MEGF10: variants seen among roughly 807,000 people sequenced by gnomAD.
The protein encoded by MEGF10 is multiple EGF like domains 10.
Under a neutral mutation model 147.5 loss-of-function variants are expected in MEGF10, and 86 were observed. The observed-to-expected ratio is 0.58, with a 90% CI of 0.49 to 0.70. The LOEUF (loss-of-function observed/expected upper bound fraction) is 0.70. Among genes scored for constraint, MEGF10 ranks in the 30% least tolerant of loss-of-function variants. The pLI, the probability that MEGF10 is intolerant of heterozygous loss-of-function variation, is 0.00. For synonymous variants in MEGF10, 478 were observed against 525.5 expected (o/e 0.91, Z 1.24); for missense variants, 1,329 against 1,487.3 (o/e 0.89, Z 1.75).
At chr5:127,366,906 A>T (rs1004641588) in intron 4 of MEGF10, among the ~76,000 whole-genome samples, 1 of 152,202 alleles carries the variant, frequency 6.6e-6, no homozygotes, top group Middle Eastern at 3.2e-3. Context: ...AGCAACAAAA[A>T]ACCAATGGAT....
At chr5:127,453,273 T>C (rs188325119) in intron 22 of MEGF10, among the ~76,000 whole-genome samples, 1 of 152,334 alleles carries the variant, frequency 6.6e-6, no homozygotes, top group Admixed American at 6.5e-5. Context: ...CCCAGGCTGG[T>C]CTTGAACTCC....
chr5:127,437,552 T>C (rs1429413960), intron 16 of MEGF10, among the ~76,000 whole-genome samples: 2 of 152,252 alleles, frequency 1.3e-5, no homozygotes, highest in African/African-American at 2.4e-5. Context: ...TATGCAATTA[T>C]GTTCCTAAAG....
intron 22 of MEGF10, 69 bp downstream of exon 22, chr5:127,449,291 C>T: frequency 1.3e-6 from 2 of 1,586,708 alleles, no homozygotes; most frequent in South Asian, 1.1e-5. Context: ...TCACGGATCT[C>T]TGTTTGTGCC....
intron 1 of MEGF10, among the ~76,000 whole-genome samples, chr5:127,303,064 C>A (rs1022292908): frequency 2.0e-5 from 3 of 152,042 alleles, no homozygotes; most frequent in African/African-American, 7.2e-5. Flanking sequence ...GGGGTCAGTG[C>A]AGTGGCTCAT....
At chr5:127,342,017 C>G (rs1461816397) in intron 4 of MEGF10, among the ~76,000 whole-genome samples, 1 of 152,162 alleles carries the variant, frequency 6.6e-6, no homozygotes, top group Non-Finnish European at 1.5e-5. Context: ...AAATACCCAC[C>G]AGCAGTAAAT....
chr5:127,286,711 AG>A (rs1759040512), upstream of MEGF10, among the ~76,000 whole-genome samples: 1 of 151,918 alleles, frequency 6.6e-6, no homozygotes, highest in Admixed American at 6.5e-5. Flanking sequence ...TATAGAAGGA[AG>A]GAAATAGTAA....
chr5:127,439,626 T>C (rs1765684578), intron 17 of MEGF10, among the ~76,000 whole-genome samples: 1 of 152,238 alleles, frequency 6.6e-6, no homozygotes, highest in African/African-American at 2.4e-5. Context: ...TTATTTATAA[T>C]TCTAAAATTA....
At chr5:127,229,978 T>A in the MEGF10 span, among the ~76,000 whole-genome samples, 2 of 152,092 alleles carry the variant, frequency 1.3e-5, no homozygotes, top group Non-Finnish European at 2.9e-5. Flanking sequence ...TTGAGATAAA[T>A]GAAAAAGAGA....
At chr5:127,256,125 T>C in the MEGF10 span, among the ~76,000 whole-genome samples, 1 of 152,326 alleles carries the variant, frequency 6.6e-6, no homozygotes, top group African/African-American at 2.4e-5. Flanking sequence ...TGCCTGTAAG[T>C]TAAAACTGTA....
At chr5:127,318,303 G>A (rs1480972146) in intron 1 of MEGF10, among the ~76,000 whole-genome samples, 1 of 152,148 alleles carries the variant, frequency 6.6e-6, no homozygotes, top group Non-Finnish European at 1.5e-5. Context: ...CTAGGTTGTA[G>A]CAGCCTGACC....
At chr5:127,355,241 A>G (rs1274608115) in intron 4 of MEGF10, among the ~76,000 whole-genome samples, 2 of 152,156 alleles carry the variant, frequency 1.3e-5, no homozygotes, top group African/African-American at 4.8e-5. Context: ...TGAGGCAGAC[A>G]GAGCCTTCTG....
the MEGF10 span, among the ~76,000 whole-genome samples, chr5:127,283,391 T>C: frequency 1.3e-5 from 2 of 152,210 alleles, no homozygotes; most frequent in African/African-American, 4.8e-5. Flanking sequence ...ACTTCTGTGA[T>C]TCTCTGGTCT....
intron 5 of MEGF10, among the ~76,000 whole-genome samples, chr5:127,382,412 G>T (rs1580791988): frequency 6.6e-6 from 1 of 152,186 alleles, no homozygotes; most frequent in East Asian, 1.9e-4. Flanking sequence ...ACTAGTGGAG[G>T]TAGGTAGCTT....
chr5:127,453,882 G>T (rs565994261), intron 22 of MEGF10, among the ~76,000 whole-genome samples: 10 of 152,164 alleles, frequency 6.6e-5, no homozygotes, highest in African/African-American at 1.9e-4. Flanking sequence ...GTGGTTGCAC[G>T]TTCTCTTGCC....
chr5:127,342,366 C>G (rs1359158559), intron 4 of MEGF10, among the ~76,000 whole-genome samples: 1 of 152,164 alleles, frequency 6.6e-6, no homozygotes, highest in African/African-American at 2.4e-5. Context: ...ACTTCTGTCT[C>G]CCAGCACACA....
intron 13 of MEGF10, among the ~76,000 whole-genome samples, chr5:127,425,100 A>G (rs1234619652): frequency 6.6e-6 from 1 of 152,236 alleles, no homozygotes; most frequent in East Asian, 1.9e-4. Context: ...TTGATGATTT[A>G]GAACTATCCT....
intron 4 of MEGF10, among the ~76,000 whole-genome samples, chr5:127,369,101 A>C (rs2126859047): frequency 6.6e-6 from 1 of 152,328 alleles, no homozygotes; most frequent in African/African-American, 2.4e-5. Flanking sequence ...ATTTTAGAAT[A>C]TCCGAACCCC....
the MEGF10 span, among the ~76,000 whole-genome samples, chr5:127,276,484 T>C: frequency 6.6e-6 from 1 of 152,334 alleles, no homozygotes; most frequent in East Asian, 1.9e-4. Flanking sequence ...CTGCTTCAAC[T>C]GAGAGCTGTG....
At chr5:127,292,155 A>G (rs1759286444) in intron 1 of MEGF10, among the ~76,000 whole-genome samples, 3 of 152,194 alleles carry the variant, frequency 2.0e-5, no homozygotes, top group African/African-American at 7.2e-5. Flanking sequence ...GTCAGCTTGC[A>G]GGGAACTTTT....
Sources: gnomAD v4.1 joint callset for allele counts (sites outside exome capture counted in the v4.1 genomes callset) on GRCh38, gnomAD v4.1.1 for gene constraint, MANE v1.5 for transcripts, NCBI Gene and HGNC (gene_info 2026-07-23, HGNC 2026-07-21) for gene names.